Variants in RGPD3 observed in about 807,000 individuals in gnomAD.
RGPD3 encodes ranBP2-like and GRIP domain-containing protein 3.
Under a neutral mutation model 154.5 loss-of-function variants are expected in RGPD3, and 62 were observed. That is an observed-to-expected ratio of 0.40 (90% CI 0.33 to 0.50). The LOEUF is 0.50. Among genes scored for constraint, RGPD3 ranks in the 20% least tolerant of loss-of-function variants. RGPD3 has a pLI of 0.59. For missense variants in RGPD3, 919 were observed against 1,716.8 expected (o/e 0.54, Z 8.21); for synonymous variants, 308 against 607.0 (o/e 0.51, Z 7.24).
intron 22 of RGPD3, among the ~76,000 whole-genome samples, chr2:106,410,867 A>C (rs1355476269): frequency 6.6e-6 from 1 of 152,144 alleles, no homozygotes; most frequent in Non-Finnish European, 1.5e-5. Context: ...CAAAAATACT[A>C]TTGTGGCTAT....
In RGPD3 at chr2:106,415,962, G is replaced by C. The variant is rs1391143331; in HGVS notation, c.4952C>G (p.Thr1651Ser). 6.2e-7 allele frequency: 1 copy of C among 1,611,564 alleles called. No homozygotes were observed. ...KEPPLWYAEF[T>S]KEELVQKLSS... is the part of the protein sequence containing the mutation. ...GAGCTTCTGAACCAATTCTTCTTTA[G>C]TAAATTCAGCATACCATAATGGAGG... The change falls in exon 21 of 23, where the codon ACT becomes AGT. Residue 1651 changes from threonine (T) to serine (S), a missense_variant. Coordinates refer to ENST00000409886, the MANE Select transcript of RGPD3 (RefSeq NM_001144013.2).
intron 21 of RGPD3, among the ~76,000 whole-genome samples, chr2:106,415,149 A>T (rs1263999779): frequency 9.4e-5 from 14 of 148,830 alleles, no homozygotes; most frequent in Admixed American, 2.0e-4. Flanking sequence ...AACAGGAAAA[A>T]CTTCCCATGC....
intron 20 of RGPD3, 27 bp from the exon 21 acceptor site, chr2:106,416,016 T>G: frequency 6.2e-7 from 1 of 1,611,184 alleles, no homozygotes. Context: ...CAAGAATTAA[T>G]TTTCAAAATC....
chr2:106,469,151 A>G (rs1678747313), upstream of RGPD3, among the ~76,000 whole-genome samples: 1 of 131,174 alleles, frequency 7.6e-6, no homozygotes, highest in Non-Finnish European at 1.6e-5. Flanking sequence ...AATCAAGACT[A>G]AGATGTATTT....
At chr2:106,468,479 C>T (rs530709881), upstream of RGPD3, 269 of 1,163,028 alleles carry the variant, frequency 2.3e-4, 1 homozygote, top group African/African-American at 4.7e-4. Flanking sequence ...GAGCTGCACT[C>T]GGCTGGGCTC....
chr2:106,415,674 C>CAAAAAA (rs879163469), intron 21 of RGPD3, among the ~76,000 whole-genome samples, 176 bp downstream of exon 21: 4 of 44,750 alleles, frequency 8.9e-5, no homozygotes, highest in African/African-American at 4.1e-4. Flanking sequence ...AAGACTGTCT[C>CAAAAAA]AAAAAAAAAA....
chr2:106,446,142 C>CT (rs561999306), intron 7 of RGPD3, among the ~76,000 whole-genome samples: 12 of 115,142 alleles, frequency 1.0e-4, no homozygotes, highest in African/African-American at 3.3e-4. Context: ...GTAATGAATC[C>CT]TTTTTTTTCC....
intron 1 of RGPD3, among the ~76,000 whole-genome samples, chr2:106,467,413 T>G (rs868261958): frequency 3.9e-3 from 395 of 102,314 alleles, no homozygotes; most frequent in Non-Finnish European, 5.5e-3. Context: ...CCATGACGCC[T>G]GAGCCATCGA....
rs1010589570 is a variant in RGPD3, at chr2:106,437,575, C to A, written c.1277-721G>T. ...TTCTGGAAGCATGAAGAGGTATAATCTTTCTGTCATTTTGGCAATTTGCAA... is the reference window on the plus strand; with the variant it reads ...TTCTGGAAGCATGAAGAGGTATAATATTTCTGTCATTTTGGCAATTTGCAA... On this transcript the variant is annotated intron_variant, in intron 9 of 22. Transcript: ENST00000409886. Among the ~76,000 whole-genome samples, 11 of 152,200 alleles carry A rather than the reference C, an allele frequency of 7.2e-5. 1 individual carries two copies. The South Asian group carries it at 1.0e-3, about 14-fold the overall frequency.
chr2:106,424,602 G>A lies in RGPD3; in HGVS notation c.3365C>T (p.Pro1122Leu). Residue 1122 changes from proline (P) to leucine (L), a missense_variant, in exon 20 of 23, where the codon CCC becomes CTC. Physicochemically the swap from Pro to Leu is moderately conservative, Grantham distance 98 (BLOSUM62 -3). Transcript: ENST00000409886. The part of the protein sequence containing the change: ...HWITTTMNLK[P>L]LSGSDRAWMW... ...CCATGCTCTATCTGATCCAGAGAGG[G>A]GCTTCAGGTTCATTGTAGTCGTTAT... is the stretch of plus-strand genomic sequence containing the variant. 2.5e-6 allele frequency: 4 copies of A among 1,611,520 alleles called. No individual in the cohort carries two copies. Among genetic ancestry groups the A allele is most frequent in the South Asian group, 1.1e-5 (1 of 90,968 alleles).
intron 22 of RGPD3, among the ~76,000 whole-genome samples, chr2:106,412,116 T>A (rs1448968399): frequency 2.7e-5 from 4 of 145,924 alleles, no homozygotes; most frequent in Non-Finnish European, 6.0e-5. Flanking sequence ...TTCCTTGTGC[T>A]TGTAAATGTC....
intron 1 of RGPD3, among the ~76,000 whole-genome samples, chr2:106,464,745 A>G (rs1678515387): frequency 6.6e-6 from 1 of 152,062 alleles, no homozygotes; most frequent in South Asian, 2.1e-4. Flanking sequence ...TTTTTTGGAG[A>G]CAGAGTCTCG....
chr2:106,449,466 CAA>C (rs1160792236), intron 6 of RGPD3, among the ~76,000 whole-genome samples: 33 of 56,848 alleles, frequency 5.8e-4, no homozygotes, highest in African/African-American at 1.5e-3. Context: ...AACTCTGTCT[CAA>C]AAAAAAAAAA....
intron 1 of RGPD3, among the ~76,000 whole-genome samples, chr2:106,464,556 C>G (rs201943095): frequency 7.1e-6 from 1 of 141,526 alleles, no homozygotes; most frequent in East Asian, 2.2e-4. Context: ...ATGAGCAACA[C>G]AGCAAGACCC....
At position 106,405,243 on chromosome 2, in the gene RGPD3, A is replaced by G. The variant is rs1272365441; in HGVS notation, c.5267-14T>C. 1 of 1,607,554 alleles carries G rather than the reference A, an allele frequency of 6.2e-7. No homozygotes were observed. The highest frequency in any genetic ancestry group is 2.2e-5 in the East Asian group (1 of 44,802). ...TTTATTCCTCACCTTTGGAAAGTAA[A>G]ACAAAAAAAAAGAAAAAAGAGAGTA... On this transcript the variant is annotated splice_polypyrimidine_tract_variant and intron_variant, in intron 22 of 22. Transcript: ENST00000409886.
chr2:106,414,002 C>G (rs1483555314), intron 21 of RGPD3, among the ~76,000 whole-genome samples: 1 of 152,140 alleles, frequency 6.6e-6, no homozygotes, highest in East Asian at 1.9e-4. Context: ...AACCCCCTGC[C>G]CCTACGCTGT....
rs1438066307 is a variant in RGPD3 at position 106,403,765 on chromosome 2, G to A, written c.*1454C>T. Among the ~76,000 whole-genome samples the A allele has an allele frequency of 6.6e-5, 10 of 152,368 alleles. No individual in the cohort carries two copies. The highest frequency in any genetic ancestry group is 2.2e-4 in the African/African-American group (9 of 41,590). On this transcript the variant is annotated 3_prime_UTR_variant, in exon 23 of 23. Transcript: ENST00000409886. The stretch of plus-strand genomic sequence containing the variant: ...GTCTGTTCTTCTAAGGAGGAAAGAC[G>A]AGATATATGAGATATTTTTTAAAGA...
intron 1 of RGPD3, among the ~76,000 whole-genome samples, chr2:106,466,376 C>A (rs1678591249): frequency 6.7e-6 from 1 of 148,382 alleles, no homozygotes; most frequent in South Asian, 2.1e-4. Context: ...CGGGCCGGGT[C>A]CAGGCCACCG....
chr2:106,424,622 C>T lies in RGPD3; in HGVS notation c.3345G>A (p.Thr1115=), dbSNP rs566720639. The change falls in exon 20 of 23, where the codon ACG becomes ACA. Residue 1115 remains threonine (T), a synonymous_variant. Coordinates refer to ENST00000409886, the MANE Select transcript of RGPD3 (RefSeq NM_001144013.2). ...AGAGGGGCTTCAGGTTCATTGTAGT[C>T]GTTATCCAATGATTAGCACACACTT... The part of the protein sequence containing the change: ...VLKVCANHWI[T]TTMNLKPLSG... 5.0e-4 allele frequency: 803 copies of T among 1,611,796 alleles called. 6 individuals are homozygous for T. In the South Asian group the frequency reaches 5.8e-3, roughly 12 times the overall value.
Sources: gnomAD v4.1 joint callset for allele counts (sites outside exome capture counted in the v4.1 genomes callset) on GRCh38, gnomAD v4.1.1 for gene constraint, MANE v1.5 for transcripts, NCBI Gene and HGNC (gene_info 2026-07-23, HGNC 2026-07-21) for gene names.